Variants in VWA8 observed in about 807,000 individuals in gnomAD.
VWA8 encodes von Willebrand factor A domain containing 8.
In VWA8, 221 loss-of-function variants were observed where a neutral mutation model predicts 241.5. That is an observed-to-expected ratio of 0.91 (90% CI 0.82 to 1.02). VWA8 has a LOEUF of 1.02. Ranked by LOEUF, VWA8 falls within the 50% of genes least tolerant of loss-of-function variation. VWA8 has a pLI of 0.00. For missense variants in VWA8, 2,322 were observed against 2,328.7 expected (o/e 1.00, Z 0.06); for synonymous variants, 852 against 827.1 (o/e 1.03, Z -0.52).
chr13:41,742,391 G>T (rs916722460), intron 21 of VWA8, among the ~76,000 whole-genome samples: 1 of 152,170 alleles, frequency 6.6e-6, no homozygotes, highest in Non-Finnish European at 1.5e-5. Flanking sequence ...TCTCTGTTTA[G>T]CAAAGGAGAC....
chr13:41,681,376 A>C (rs1363523515), intron 35 of VWA8, among the ~76,000 whole-genome samples: 1 of 152,202 alleles, frequency 6.6e-6, no homozygotes, highest in Non-Finnish European at 1.5e-5. Flanking sequence ...ATTTTCTAAC[A>C]AATGTCATGA....
intron 4 of VWA8, among the ~76,000 whole-genome samples, chr13:41,896,569 C>T (rs1221646180): frequency 6.6e-6 from 1 of 151,892 alleles, no homozygotes; most frequent in Non-Finnish European, 1.5e-5. Flanking sequence ...CAATAAAGAC[C>T]ACATAAATAT....
rs1483232216 is a variant in VWA8, at chr13:41,732,096, T to A, written c.2486A>T (p.Tyr829Phe). 16 of 1,613,166 alleles carry A rather than the reference T, an allele frequency of 9.9e-6. No homozygotes were observed. The highest frequency in any genetic ancestry group is 1.4e-5 in the Non-Finnish European group (16 of 1,179,528). Residue 829 changes from tyrosine (Y) to phenylalanine (F), a missense_variant, in exon 22 of 45, where the codon TAT (tyrosine) becomes TTT (phenylalanine). By Grantham distance (22) the Tyr-to-Phe change is conservative (BLOSUM62 3). Coordinates refer to ENST00000379310, the MANE Select transcript of VWA8 (RefSeq NM_015058.2). ...QPSVKDGLIV[Y>F]EDSPLVKAVK... ...GTTACTAACCAAAGGTGAGTCTTCA[T>A]ATACAATAAGTCCGTCTTTAACCGA...
chr13:41,647,061 G>A (rs1054600340), intron 37 of VWA8, among the ~76,000 whole-genome samples: 16 of 152,188 alleles, frequency 1.1e-4, no homozygotes, highest in African/African-American at 3.9e-4. Flanking sequence ...ACAGTGATGG[G>A]CAGGCTTCAG....
intron 17 of VWA8, 128 bp from the exon 18 acceptor site, chr13:41,787,671 G>T: frequency 1.6e-6 from 1 of 625,970 alleles, no homozygotes; most frequent in Non-Finnish European, 2.8e-6. Flanking sequence ...AGGAAGATCA[G>T]TCTGGATCTG....
At chr13:41,652,734 CTACAA>C (rs980674916) in intron 37 of VWA8, among the ~76,000 whole-genome samples, 7 of 152,162 alleles carry the variant, frequency 4.6e-5, no homozygotes, top group African/African-American at 1.7e-4. Context: ...TTTCTCTGTG[CTACAA>C]TACCTCACTA....
intron 20 of VWA8, among the ~76,000 whole-genome samples, 166 bp downstream of exon 20, chr13:41,777,819 A>G (rs9532923): frequency 6.6e-6 from 1 of 152,144 alleles, no homozygotes; most frequent in Non-Finnish European, 1.5e-5. Flanking sequence ...CATGATTTAA[A>G]CCTTGAGGTA....
In VWA8 at chr13:41,693,677, T is replaced by C. The variant is rs534053832; in HGVS notation, c.3565-705A>G. 3.3e-5 allele frequency among the ~76,000 whole-genome samples: 5 copies of C among 152,154 alleles called. No individual in the cohort carries two copies. The South Asian group carries it at 1.0e-3, about 32-fold the overall frequency. Reference sequence around the variant, plus strand: ...TAATCTTTCAGTAATTAGGATACGTTTTTTTAAGAAAATAAATAAACCTTA... The same window carrying C: ...TAATCTTTCAGTAATTAGGATACGTCTTTTTAAGAAAATAAATAAACCTTA... On this transcript the variant is annotated intron_variant, in intron 29 of 44. Transcript: ENST00000379310.
At chr13:41,801,053 T>C (rs181356368) in intron 17 of VWA8, among the ~76,000 whole-genome samples, 57 of 152,236 alleles carry the variant, frequency 3.7e-4, no homozygotes, top group African/African-American at 1.3e-3. Context: ...ACTGCTAGCT[T>C]TCAATATTCT....
chr13:41,861,141 G>A (rs934023534), intron 12 of VWA8, among the ~76,000 whole-genome samples: 2 of 152,012 alleles, frequency 1.3e-5, no homozygotes, highest in African/African-American at 4.8e-5. Context: ...AACCTGGGAG[G>A]CGGAGGTTGC....
At chr13:41,886,651 C>A in intron 7 of VWA8, 130 bp downstream of exon 7, 1 of 739,226 alleles carries the variant, frequency 1.4e-6, no homozygotes, top group Non-Finnish European at 2.2e-6. Context: ...TATCACCAAA[C>A]ATCCTAATAC....
chr13:41,763,387 T>C (rs558263908), intron 20 of VWA8, among the ~76,000 whole-genome samples: 4 of 152,240 alleles, frequency 2.6e-5, no homozygotes, highest in Admixed American at 6.5e-5. Context: ...TTATTTCGCC[T>C]ACAAAAGATT....
intron 4 of VWA8, among the ~76,000 whole-genome samples, chr13:41,898,872 G>C (rs1253616921): frequency 1.3e-5 from 2 of 150,948 alleles, no homozygotes; most frequent in East Asian, 3.9e-4. Flanking sequence ...CGGCTGCTCC[G>C]AGTGTGGGCC....
In VWA8 at chr13:41,719,690, T is replaced by G; in HGVS notation, c.3017A>C (p.Asp1006Ala). ...CTCCCTCATGTCATTGTTGTAGGAA[T>G]CAAAGTCAAACACATTTCGAACTAC... ...SSVVRNVFDF[D>A]SYNNDMREIL... Residue 1006 changes from aspartate (D) to alanine (A), a missense_variant, in exon 26 of 45, where the codon GAT (aspartate) becomes GCT (alanine). Coordinates refer to ENST00000379310, the MANE Select transcript of VWA8 (RefSeq NM_015058.2). The G allele has an allele frequency of 6.2e-7, 1 of 1,613,050 alleles. No individual in the cohort carries two copies. The highest frequency in any genetic ancestry group is 8.5e-7 in the Non-Finnish European group (1 of 1,179,438).
intron 36 of VWA8, among the ~76,000 whole-genome samples, chr13:41,671,779 T>A (rs2045026455): frequency 1.3e-5 from 2 of 152,180 alleles, no homozygotes; most frequent in South Asian, 4.1e-4. Context: ...AAGTTAGCCC[T>A]CTGTAAGACA....
intron 19 of VWA8, 146 bp downstream of exon 19, chr13:41,783,649 A>T: frequency 3.3e-6 from 2 of 609,006 alleles, no homozygotes; most frequent in Non-Finnish European, 2.7e-6. Flanking sequence ...GAAAAAAAAA[A>T]AAAAAAGATG....
chr13:41,812,302 AATGAGATT>A (rs1272622933), intron 16 of VWA8, among the ~76,000 whole-genome samples: 1 of 152,168 alleles, frequency 6.6e-6, no homozygotes, highest in Non-Finnish European at 1.5e-5. Flanking sequence ...ATATTTAGTA[AATGAGATT>A]ATTACTGGCC....
At chr13:41,694,639 T>C (rs2045203231) in intron 29 of VWA8, among the ~76,000 whole-genome samples, 2 of 152,114 alleles carry the variant, frequency 1.3e-5, no homozygotes, top group African/African-American at 4.8e-5. Context: ...AAAAAATATT[T>C]CTTGTATAAT....
At chr13:41,817,794 T>C (rs1357090757) in intron 15 of VWA8, among the ~76,000 whole-genome samples, 1 of 152,164 alleles carries the variant, frequency 6.6e-6, no homozygotes, top group Non-Finnish European at 1.5e-5. Context: ...TTCATTCAGA[T>C]GTTTCAAAGG....
Sources: gnomAD v4.1 joint callset for allele counts (sites outside exome capture counted in the v4.1 genomes callset) on GRCh38, gnomAD v4.1.1 for gene constraint, MANE v1.5 for transcripts, NCBI Gene and HGNC (gene_info 2026-07-23, HGNC 2026-07-21) for gene names.